PACRG: variants seen among roughly 807,000 people sequenced by gnomAD.
The protein encoded by PACRG is parkin coregulated gene protein.
Under a neutral mutation model 29.7 loss-of-function variants are expected in PACRG, and 29 were observed. That is an observed-to-expected ratio of 0.98 (90% CI 0.73 to 1.33). The LOEUF (loss-of-function observed/expected upper bound fraction) is 1.33. Ranked by LOEUF, PACRG falls within the 40% of genes most tolerant of loss-of-function variation. The probability of loss-of-function intolerance (pLI) is 0.00; values close to 1 mark genes in which losing one functional copy is unlikely to be tolerated. For missense variants in PACRG, 279 were observed against 316.2 expected (o/e 0.88, Z 0.89); for synonymous variants, 116 against 118.7 (o/e 0.98, Z 0.15).
At chr6:162,983,815 A>T (rs1171649073) in intron 2 of PACRG, among the ~76,000 whole-genome samples, 1 of 151,982 alleles carries the variant, frequency 6.6e-6, no homozygotes, top group Non-Finnish European at 1.5e-5. Flanking sequence ...CAAATTTTTC[A>T]GCTGTTCTTT....
intron 3 of PACRG, among the ~76,000 whole-genome samples, chr6:163,068,406 A>G (rs1418682889): frequency 3.3e-5 from 5 of 151,294 alleles, no homozygotes; most frequent in Non-Finnish European, 5.9e-5. Context: ...CCTGTGACCT[A>G]TTGGCCTCCA....
At chr6:163,180,941 C>A (rs1455878725) in intron 4 of PACRG, among the ~76,000 whole-genome samples, 1 of 152,192 alleles carries the variant, frequency 6.6e-6, no homozygotes, top group East Asian at 1.9e-4. Flanking sequence ...AGCTGGGGCT[C>A]CGTACAGTTA....
At chr6:163,205,992 A>T (rs568202580) in intron 4 of PACRG, among the ~76,000 whole-genome samples, 13 of 152,206 alleles carry the variant, frequency 8.5e-5, no homozygotes, top group Non-Finnish European at 1.8e-4. Context: ...CAGAAATGCA[A>T]ATCAAATCCA....
At chr6:163,040,206 C>A (rs1808561533) in intron 2 of PACRG, among the ~76,000 whole-genome samples, 1 of 152,200 alleles carries the variant, frequency 6.6e-6, no homozygotes, top group African/African-American at 2.4e-5. Context: ...AGTGTGTGAG[C>A]CCCAAGCATT....
At chr6:162,969,761 T>C (rs1801371852) in intron 2 of PACRG, among the ~76,000 whole-genome samples, 1 of 152,214 alleles carries the variant, frequency 6.6e-6, no homozygotes, top group Non-Finnish European at 1.5e-5. Flanking sequence ...CAAGACGTTC[T>C]ACTTGACTCC....
chr6:162,870,450 T>G (rs1269743446), intron 2 of PACRG, among the ~76,000 whole-genome samples: 1 of 152,218 alleles, frequency 6.6e-6, no homozygotes, highest in African/African-American at 2.4e-5. Flanking sequence ...CATAGGTTTT[T>G]GGGGAACAGG....
intron 4 of PACRG, among the ~76,000 whole-genome samples, chr6:163,262,260 C>T (rs1585380489): frequency 6.6e-6 from 1 of 152,204 alleles, no homozygotes; most frequent in East Asian, 1.9e-4. Flanking sequence ...GGAGCTAACT[C>T]TGCCCTGGAA....
intron 2 of PACRG, among the ~76,000 whole-genome samples, chr6:162,964,009 C>T (rs1458290666): frequency 6.6e-6 from 1 of 152,026 alleles, no homozygotes; most frequent in Admixed American, 6.6e-5. Context: ...CCAGGAGGAG[C>T]TGGAAATCAG....
intron 4 of PACRG, among the ~76,000 whole-genome samples, chr6:163,283,853 C>T (rs926843021): frequency 2.0e-5 from 3 of 152,028 alleles, no homozygotes; most frequent in African/African-American, 7.2e-5. Context: ...GTGGCTCACA[C>T]CTGTGATCCC....
At chr6:162,955,345 G>A (rs1188517849) in intron 2 of PACRG, among the ~76,000 whole-genome samples, 1 of 152,158 alleles carries the variant, frequency 6.6e-6, no homozygotes, top group Non-Finnish European at 1.5e-5. Flanking sequence ...TGTTGCCCAA[G>A]CTGGAGTGCA....
intron 4 of PACRG, among the ~76,000 whole-genome samples, chr6:163,261,758 A>G (rs1433524850): frequency 6.6e-6 from 1 of 152,248 alleles, no homozygotes; most frequent in Non-Finnish European, 1.5e-5. Context: ...TAAACAATAA[A>G]GTATAACAAC....
chr6:163,266,700 G>A (rs561512974), intron 4 of PACRG, among the ~76,000 whole-genome samples: 3 of 152,296 alleles, frequency 2.0e-5, no homozygotes, highest in South Asian at 2.1e-4. Flanking sequence ...ACAGCCCACA[G>A]ATTAACTGCT....
intron 2 of PACRG, among the ~76,000 whole-genome samples, chr6:162,959,791 G>A (rs571965091): frequency 5.9e-5 from 9 of 152,174 alleles, no homozygotes; most frequent in South Asian, 4.1e-4. Context: ...AATGTGGTTG[G>A]ATCCTGGACA....
chr6:162,986,385 A>G (rs1802892525), intron 2 of PACRG, among the ~76,000 whole-genome samples: 1 of 152,162 alleles, frequency 6.6e-6, no homozygotes, highest in Non-Finnish European at 1.5e-5. Flanking sequence ...GGAACAGAAT[A>G]GAGAACCCAG....
At chr6:163,194,730 T>C (rs1433864874) in intron 4 of PACRG, among the ~76,000 whole-genome samples, 1 of 152,242 alleles carries the variant, frequency 6.6e-6, no homozygotes, top group African/African-American at 2.4e-5. Context: ...GCAAGTATTT[T>C]GGAGCAAGTA....
At chr6:162,917,516 C>T (rs1318536526) in intron 2 of PACRG, among the ~76,000 whole-genome samples, 3 of 152,116 alleles carry the variant, frequency 2.0e-5, no homozygotes, top group Admixed American at 6.6e-5. Context: ...ACAGCTGTCT[C>T]CATATCCATT....
At chr6:163,087,591 G>A (rs1290007261) in intron 3 of PACRG, among the ~76,000 whole-genome samples, 1 of 149,320 alleles carries the variant, frequency 6.7e-6, no homozygotes, top group Non-Finnish European at 1.5e-5. Flanking sequence ...AGGACCAGGG[G>A]AGAGAAGGTG....
chr6:162,947,333 C>CAAATATATAATCATATGTG (rs1799115692), intron 2 of PACRG, among the ~76,000 whole-genome samples: 1 of 17,632 alleles, frequency 5.7e-5, no homozygotes, highest in Admixed American at 6.7e-4. Context: ...TACATATAAT[C>CAAATATATAATCATATGTG]ATATATATAA....
chr6:162,727,338 A>AAGGTG (rs1241449324), upstream of PACRG: 5 of 378,502 alleles, frequency 1.3e-5, no homozygotes, highest in South Asian at 9.1e-5. Flanking sequence ...CGGCGGGGAG[A>AAGGTG]AGGCTTCGGG....
Sources: allele counts gnomAD v4.1 joint callset (sites outside exome capture counted in the v4.1 genomes callset), GRCh38; gene constraint gnomAD v4.1.1; transcripts MANE v1.5; gene names NCBI Gene and HGNC (gene_info 2026-07-23, HGNC 2026-07-21).